CEP126: variants seen among roughly 807,000 people sequenced by gnomAD.
CEP126 encodes the protein centrosomal protein of 126 kDa.
A neutral mutation model predicts 107.8 loss-of-function variants in CEP126; 74 were observed. That is an observed-to-expected ratio of 0.69 (90% CI 0.57 to 0.83). The LOEUF (loss-of-function observed/expected upper bound fraction) is 0.83, where lower values mean the gene tolerates loss of function less well. Ranked by LOEUF, CEP126 falls within the 40% of genes least tolerant of loss-of-function variation. The pLI is 0.00. For missense variants in CEP126, 1,237 were observed against 1,281.9 expected, an observed-to-expected ratio of 0.96 and a Z score of 0.53; for synonymous variants, 449 against 446.0, an observed-to-expected ratio of 1.01 and a Z score of -0.08.
intron 2 of CEP126, among the ~76,000 whole-genome samples, chr11:101,928,623 G>T (rs1159556930): frequency 1.3e-5 from 2 of 152,054 alleles, no homozygotes; most frequent in Non-Finnish European, 2.9e-5. Flanking sequence ...ATGTCCAGTT[G>T]GTCCAGCATT....
chr11:101,925,638 G>T (rs145832916), intron 2 of CEP126, among the ~76,000 whole-genome samples: 1 of 141,554 alleles, frequency 7.1e-6, no homozygotes, highest in Non-Finnish European at 1.5e-5. Flanking sequence ...GTGTTGTGGC[G>T]GGTGCCTATA....
At chr11:101,961,228 T>G (rs1047132123) in intron 5 of CEP126, among the ~76,000 whole-genome samples, 1 of 152,128 alleles carries the variant, frequency 6.6e-6, no homozygotes, top group Non-Finnish European at 1.5e-5. Context: ...GATTTTAACA[T>G]GTAGCCAGAG....
At chr11:101,926,591 A>T (rs1301801507) in intron 2 of CEP126, among the ~76,000 whole-genome samples, 1 of 152,226 alleles carries the variant, frequency 6.6e-6, no homozygotes, top group Non-Finnish European at 1.5e-5. Flanking sequence ...CAAAGAGTAA[A>T]GTAGAAAGCT....
chr11:101,931,877 C>T (rs1940505252), intron 2 of CEP126, among the ~76,000 whole-genome samples: 1 of 152,196 alleles, frequency 6.6e-6, no homozygotes. Context: ...ATACCCATAG[C>T]TGTAGACCCC....
intron 4 of CEP126, among the ~76,000 whole-genome samples, chr11:101,952,836 G>A (rs977173119): frequency 6.6e-6 from 1 of 152,210 alleles, no homozygotes; most frequent in East Asian, 1.9e-4. Flanking sequence ...GGCAGTATCT[G>A]CCAGTGGTAT....
Position 101,999,514 on chromosome 11 carries a change from A to G in CEP126, c.*1871A>G, listed in dbSNP as rs929074133. 4 of 149,922 alleles carry G rather than the reference A, an allele frequency of 2.7e-5. No homozygotes were observed. Among genetic ancestry groups the G allele is most frequent in the African/African-American group, 4.9e-5 (2 of 40,950 alleles). 9.3% of individuals were successfully genotyped at this position (149,922 alleles called of 1,614,324 possible). A position where few individuals can be genotyped will look rare whatever the true frequency, so the allele number is the denominator to read the frequency against. On this transcript the variant is annotated 3_prime_UTR_variant, in exon 11 of 11. Transcript: ENST00000263468. Reference sequence around the variant, plus strand: ...AAAAAAAAAAAAAAAAAAAGCCTAAATAGTAAGCTGGTGAAACAAGATAAG... The same window carrying G: ...AAAAAAAAAAAAAAAAAAAGCCTAAGTAGTAAGCTGGTGAAACAAGATAAG...
At chr11:101,957,036 A>G (rs527535062) in intron 4 of CEP126, 42 of 287,580 alleles carry the variant, frequency 1.5e-4, no homozygotes, top group Admixed American at 1.1e-3. Flanking sequence ...TAAGAGTAGG[A>G]AAGTGTAAAA....
chr11:101,935,903 C>T (rs1225987996), intron 2 of CEP126, among the ~76,000 whole-genome samples: 2 of 152,014 alleles, frequency 1.3e-5, no homozygotes, highest in Non-Finnish European at 2.9e-5. Context: ...TAGACATTGT[C>T]AAAGATCCAC....
Position 101,995,051 on chromosome 11 carries a change from G to A in CEP126, c.3309+2209G>A, listed in dbSNP as rs148215960. The stretch of plus-strand genomic sequence containing the variant: ...CCCTCCACCCCCGACAGGCCCTGGC[G>A]TGTGATGTTCCCCTCCCTGTGTCCA... On this transcript the variant is annotated intron_variant, in intron 10 of 10. Coordinates refer to ENST00000263468, the MANE Select transcript of CEP126 (RefSeq NM_020802.4). Among the ~76,000 whole-genome samples the A allele has an allele frequency of 4.4e-3, 669 of 152,120 alleles. 5 individuals carry two copies. The highest frequency in any genetic ancestry group is 0.015 in the African/African-American group (641 of 41,480).
chr11:101,984,373 A>C (rs1041230211), intron 8 of CEP126, among the ~76,000 whole-genome samples: 50 of 152,220 alleles, frequency 3.3e-4, no homozygotes, highest in African/African-American at 1.1e-3. Flanking sequence ...TCAAGTGAGA[A>C]AAAATTATGT....
At chr11:101,922,382 C>T (rs1940342397) in intron 1 of CEP126, among the ~76,000 whole-genome samples, 1 of 151,886 alleles carries the variant, frequency 6.6e-6, no homozygotes, top group African/African-American at 2.4e-5. Context: ...CCAGCCGGGT[C>T]TTGACCTACT....
intron 5 of CEP126, among the ~76,000 whole-genome samples, chr11:101,960,609 A>C (rs1940957435): frequency 6.6e-6 from 1 of 152,170 alleles, no homozygotes; most frequent in Non-Finnish European, 1.5e-5. Context: ...CTCATGAATA[A>C]TTTTTAAAAC....
chr11:101,921,977 G>T (rs1940335447), intron 1 of CEP126, among the ~76,000 whole-genome samples: 1 of 150,860 alleles, frequency 6.6e-6, no homozygotes, highest in African/African-American at 2.4e-5. Flanking sequence ...GTAGAGACAG[G>T]TTTCACCGTG....
At position 101,963,247 on chromosome 11, in the gene CEP126, G is replaced by C; in HGVS notation, c.2212G>C (p.Val738Leu). The change falls in exon 6 of 11, where the codon GTA becomes CTA. Residue 738 changes from valine (V) to leucine (L), a missense_variant. This residue lies in a region of CEP126 where 1,134 missense variants were observed against 1,150.5 expected (regional missense o/e 0.99). Transcript: ENST00000263468. The part of the protein sequence containing the change: ...ASKKEESKIP[V>L]HDDSKTKQGK... ...AAAAAAAGAAGAAAGTAAAATCCCT[G>C]TACATGATGATTCTAAAACTAAGCA... 7 of 1,613,922 alleles carry C rather than the reference G, an allele frequency of 4.3e-6. No homozygotes were observed. The South Asian group carries it at 6.6e-5, about 15-fold the overall frequency.
At chr11:101,939,416 A>G (rs1940636428) in intron 2 of CEP126, among the ~76,000 whole-genome samples, 1 of 152,214 alleles carries the variant, frequency 6.6e-6, no homozygotes, top group South Asian at 2.1e-4. Flanking sequence ...TACATAGTCA[A>G]AAACTTCATC....
chr11:101,995,452 T>A lies in CEP126; in HGVS notation c.3310-2147T>A, dbSNP rs143690462. Among the ~76,000 whole-genome samples, 665 of 152,290 alleles carry A rather than the reference T, an allele frequency of 4.4e-3. 5 individuals are homozygous for A. Among genetic ancestry groups the A allele is most frequent in the African/African-American group, 0.015 (640 of 41,570 alleles). On this transcript the variant is annotated intron_variant, in intron 10 of 10. Transcript: ENST00000263468. ...TGAGGGCAGCTTGGGCATTTAGATA[T>A]TTTTAAGCTCTCTGAAGAATTCAAA...
chr11:101,937,294 C>G (rs371821122), intron 2 of CEP126, among the ~76,000 whole-genome samples: 140 of 152,222 alleles, frequency 9.2e-4, no homozygotes, highest in African/African-American at 3.2e-3. Context: ...TTTTCTTATA[C>G]TTATTCACAC....
intron 4 of CEP126, among the ~76,000 whole-genome samples, chr11:101,953,773 G>A (rs529249946): frequency 6.6e-6 from 1 of 152,102 alleles, no homozygotes; most frequent in East Asian, 1.9e-4. Flanking sequence ...TGGAAGTTGT[G>A]GTAGTAATAT....
At position 101,986,186 on chromosome 11, in the gene CEP126, T is replaced by C. The variant is rs1292042971; in HGVS notation, c.3035-646T>C. Among the ~76,000 whole-genome samples, 6 of 152,284 alleles carry C rather than the reference T, an allele frequency of 3.9e-5. No homozygotes were observed. The South Asian group carries it at 8.3e-4, about 21-fold the overall frequency. On this transcript the variant is annotated intron_variant, in intron 8 of 10. Coordinates refer to ENST00000263468, the MANE Select transcript of CEP126 (RefSeq NM_020802.4). ...TTAGTACAGACGAGGTTTCACCATG[T>C]TGGCCATGCTGGTCTTGAACTCCTG...
Sources: gnomAD v4.1 joint callset for allele counts (sites outside exome capture counted in the v4.1 genomes callset) on GRCh38, gnomAD v4.1.1 for gene constraint, gnomAD v4.1.1 regional missense constraint, MANE v1.5 for transcripts, NCBI Gene and HGNC (gene_info 2026-07-23, HGNC 2026-07-21) for gene names.